Variants in DNAH17 observed in about 807,000 individuals in gnomAD.
The protein encoded by DNAH17 is axonemal beta dynein heavy chain 17.
A neutral mutation model predicts 485.6 loss-of-function variants in DNAH17; 376 were observed. The observed-to-expected ratio is 0.77, with a 90% CI of 0.71 to 0.84. The LOEUF is 0.84. DNAH17 is among the 40% of genes least tolerant of loss of function. DNAH17 has a pLI of 0.00. For synonymous variants in DNAH17, 3,031 were observed against 2,405.9 expected (o/e 1.26, Z -7.60); for missense variants, 6,370 against 5,839.3 (o/e 1.09, Z -2.96).
At position 78,539,807 on chromosome 17, in the gene DNAH17, A is replaced by G; in HGVS notation, c.2606T>C (p.Met869Thr). Residue 869 changes from methionine (M) to threonine (T), a missense_variant, in exon 18 of 81, where the codon ATG becomes ACG. By Grantham distance (81) the Met-to-Thr change is moderately conservative. Coordinates refer to ENST00000389840, the MANE Select transcript of DNAH17 (RefSeq NM_173628.4). ...WKDYVIYIDDMVLDEFDQFIR... is the reference protein window; with the variant it reads ...WKDYVIYIDDTVLDEFDQFIR... ...GAACTGGTCAAATTCATCTAAGACC[A>G]TGTCGTCAATGTAGATGACATAATC... 1 of 1,612,214 alleles carries G rather than the reference A, an allele frequency of 6.2e-7. No individual in the cohort carries two copies. Among genetic ancestry groups the G allele is most frequent in the Non-Finnish European group, 8.5e-7 (1 of 1,179,628 alleles).
chr17:78,561,352 G>C (rs191630801), intron 12 of DNAH17, among the ~76,000 whole-genome samples: 84 of 152,074 alleles, frequency 5.5e-4, no homozygotes, highest in Non-Finnish European at 9.0e-4. Context: ...CCCTGCAGCC[G>C]TCCCTGCGTC....
chr17:78,425,755 G>GTTTTTTTT (rs1568032936), intron 79 of DNAH17, among the ~76,000 whole-genome samples, 184 bp from the exon 80 acceptor site: 1 of 88,314 alleles, frequency 1.1e-5, no homozygotes, highest in African/African-American at 5.3e-5. Context: ...TTTGGTGTCT[G>GTTTTTTTT]CTTTTTTTTT....
rs74764486 is a variant in DNAH17 at position 78,476,828 on chromosome 17, G to A, written c.7993-95C>T. 11,382 of 1,419,446 alleles carry A rather than the reference G, an allele frequency of 8.0e-3. 80 individuals are homozygous for A. Among genetic ancestry groups the A allele is most frequent in the Middle Eastern group, 0.022 (89 of 3,960 alleles). The allele number at this position is 1,419,446 out of a possible 1,614,324, so 87.9% of individuals were successfully genotyped here. A position where few individuals can be genotyped will look rare whatever the true frequency, so the allele number is the denominator to read the frequency against. On this transcript the variant is annotated intron_variant, in intron 51 of 80. Transcript: ENST00000389840. ...ACCCTGAGGAGCAGCCCCCTCCCCC[G>A]GGGCGAGGGGACCTGTTCAGCTGTT...
In DNAH17 at chr17:78,532,614, CCA is replaced by C. The variant is rs1480335969; in HGVS notation, c.2980_2981del (p.Trp994AspfsTer29). On this transcript the variant is annotated frameshift_variant, in exon 20 of 81. Transcript: ENST00000389840. LOFTEE classifies it high-confidence loss of function. ...QDSFERYSYL[W>X]TDNLQEFMKN... ...TCATAAACTCCTGCAGGTTGTCCGT[CCA>C]GAGGTAGGAGTACCTCTCAAAGGAA... The C allele has an allele frequency of 6.2e-7, 1 of 1,606,044 alleles. No individual in the cohort carries two copies. The highest frequency in any genetic ancestry group is 2.2e-5 in the East Asian group (1 of 44,712).
intron 1 of DNAH17, among the ~76,000 whole-genome samples, chr17:78,576,214 A>G (rs2092430473): frequency 6.6e-6 from 1 of 152,248 alleles, no homozygotes; most frequent in Admixed American, 6.5e-5. Flanking sequence ...AACAGCCTAC[A>G]GTTCCCCAAA....
chr17:78,495,437 GTTT>G (rs147600821), intron 38 of DNAH17, among the ~76,000 whole-genome samples: 2,170 of 134,972 alleles, frequency 0.016, 23 homozygotes, highest in Middle Eastern at 0.03. Context: ...TCCTGGGAGT[GTTT>G]TTTTTTTTTT....
chr17:78,445,773 T>C (rs927576339), intron 69 of DNAH17, 93 bp from the exon 70 acceptor site: 3 of 1,432,608 alleles, frequency 2.1e-6, no homozygotes, highest in Non-Finnish European at 2.8e-6. Context: ...GAGTTCACAC[T>C]CCCGGCCTGC....
intron 18 of DNAH17, among the ~76,000 whole-genome samples, chr17:78,538,567 G>A (rs1028089056): frequency 6.6e-6 from 1 of 152,148 alleles, no homozygotes; most frequent in Admixed American, 6.5e-5. Flanking sequence ...TGGGACAAAC[G>A]GTCAATTGTG....
At chr17:78,506,994 G>T in intron 29 of DNAH17, 148 bp from the exon 30 acceptor site, 2 of 1,254,920 alleles carry the variant, frequency 1.6e-6, no homozygotes, top group Non-Finnish European at 2.2e-6. Flanking sequence ...TCTCCTACCG[G>T]AGGCTCTCGT....
At position 78,566,688 on chromosome 17, in the gene DNAH17, C is replaced by T. The variant is rs371836276; in HGVS notation, c.1495G>A (p.Asp499Asn). 4.3e-6 allele frequency: 7 copies of T among 1,610,076 alleles called. No individual in the cohort carries two copies. In the African/African-American group the frequency reaches 8.0e-5, roughly 18 times the overall value. The change falls in exon 11 of 81, where the codon GAC becomes AAC. Residue 499 changes from aspartate (D) to asparagine (N), a missense_variant. Coordinates refer to ENST00000389840, the MANE Select transcript of DNAH17 (RefSeq NM_173628.4). ...DYADFEIKIQ[D>N]LDRRLATIFC... ...ATCGTGGCCAGCCTCCTATCCAGGT[C>T]TTGGATTTTGATCTCAAAATCAGCA...
In DNAH17 at chr17:78,502,476, GAGA is replaced by G. The variant is rs1466426791; in HGVS notation, c.5190+112_5190+114del. ...GACGGTTTTGCGGGGCTCAGCCTCC[GAGA>G]AGAAGCCGCTCCAGGTACTCGCCCG... On this transcript the variant is annotated intron_variant, in intron 33 of 80. Coordinates refer to ENST00000389840, the MANE Select transcript of DNAH17 (RefSeq NM_173628.4). 1.5e-5 allele frequency: 16 copies of G among 1,038,104 alleles called. 1 individual carries two copies. Among genetic ancestry groups the G allele is most frequent in the Middle Eastern group, 2.1e-4 (1 of 4,746 alleles). The allele number at this position is 1,038,104 out of a possible 1,614,324, so 64.3% of individuals were successfully genotyped here. A position where few individuals can be genotyped will look rare whatever the true frequency, so the allele number is the denominator to read the frequency against.
In DNAH17 at chr17:78,494,789, T is replaced by C. The variant is rs768275859; in HGVS notation, c.6074A>G (p.Lys2025Arg). The C allele has an allele frequency of 5.6e-6, 9 of 1,611,784 alleles. No individual in the cohort carries two copies. Among genetic ancestry groups the C allele is most frequent in the Non-Finnish European group, 7.6e-6 (9 of 1,178,744 alleles). Residue 2025 changes from lysine to arginine, a missense_variant, in exon 40 of 81, where the codon AAG (lysine) becomes AGG (arginine). Transcript: ENST00000389840. ...DHYDWGLRAI[K>R]SVLVVAGSLK... is the part of the protein sequence containing the mutation. ...GGAGCCGGCCACCACCAGCACAGACTTGATGGCTCTCAGGCCCCAGTCGTA... is the reference window on the plus strand; with the variant it reads ...GGAGCCGGCCACCACCAGCACAGACCTGATGGCTCTCAGGCCCCAGTCGTA...
chr17:78,567,991 A>T (rs1014085073), intron 9 of DNAH17, among the ~76,000 whole-genome samples: 6 of 152,110 alleles, frequency 3.9e-5, no homozygotes, highest in Admixed American at 6.6e-5. Context: ...GGTTGGTGCT[A>T]TTCTCCCAGG....
rs766099347 is a variant in DNAH17, at chr17:78,558,122, C to T, written c.2164G>A (p.Gly722Ser). ...KFVGNLELIV[G>S]WYNEIKTIVK... ...CACCAACTCACCTCATTATACCAGC[C>T]AACGATGAGCTCCAGGTTGCCCACA... Residue 722 changes from glycine to serine, a missense_variant, in exon 14 of 81, where the codon GGC becomes AGC. By Grantham distance (56) the Gly-to-Ser change is moderately conservative (BLOSUM62 0). Coordinates refer to ENST00000389840, the MANE Select transcript of DNAH17 (RefSeq NM_173628.4). 4.3e-6 allele frequency: 7 copies of T among 1,613,444 alleles called. No homozygotes were observed. The East Asian group carries it at 6.7e-5, about 15-fold the overall frequency.
At chr17:78,430,891 A>G (rs1364777039) in intron 75 of DNAH17, among the ~76,000 whole-genome samples, 1 of 146,920 alleles carries the variant, frequency 6.8e-6, no homozygotes, top group African/African-American at 2.5e-5. Context: ...CCATATGTAT[A>G]TGTTTTTTAG....
intron 72 of DNAH17, among the ~76,000 whole-genome samples, chr17:78,440,081 G>A (rs1429897504): frequency 1.3e-5 from 2 of 151,766 alleles, no homozygotes; most frequent in Non-Finnish European, 2.9e-5. Context: ...CCACAGGCAT[G>A]CACCACTATG....
At chr17:78,475,167 G>A in intron 54 of DNAH17, 111 bp downstream of exon 54, 2 of 1,227,588 alleles carry the variant, frequency 1.6e-6, no homozygotes, top group South Asian at 1.4e-5. Context: ...GACTATTGGT[G>A]ATGCTCGGAT....
chr17:78,556,149 T>C (rs1274700615), intron 14 of DNAH17, among the ~76,000 whole-genome samples: 2 of 151,654 alleles, frequency 1.3e-5, no homozygotes, highest in Non-Finnish European at 2.9e-5. Flanking sequence ...TAGCTATCTA[T>C]CCATTCATCC....
At chr17:78,545,436 T>C (rs1033627677) in intron 16 of DNAH17, among the ~76,000 whole-genome samples, 1 of 152,148 alleles carries the variant, frequency 6.6e-6, no homozygotes, top group Non-Finnish European at 1.5e-5. Context: ...GGTGCCGGCA[T>C]GTTTGGTTCC....
Sources: gnomAD v4.1 joint callset for allele counts (sites outside exome capture counted in the v4.1 genomes callset) on GRCh38, gnomAD v4.1.1 for gene constraint, MANE v1.5 for transcripts, NCBI Gene and HGNC (gene_info 2026-07-23, HGNC 2026-07-21) for gene names.